Variants in CNNM2 observed in about 807,000 individuals in gnomAD.
The protein encoded by CNNM2 is cyclin and CBS domain divalent metal cation transport mediator 2.
CNNM2 carries 12 observed loss-of-function variants against 66.9 expected under a neutral mutation model. The ratio of observed to expected loss-of-function variants is 0.18; its 90% confidence interval spans 0.11 to 0.29. The LOEUF (loss-of-function observed/expected upper bound fraction) is 0.29. CNNM2 is among the 10% of genes least tolerant of loss of function. The probability of loss-of-function intolerance (pLI) is 1.00; values close to 1 mark genes in which losing one functional copy is unlikely to be tolerated. For missense variants in CNNM2, 705 were observed against 1,167.7 expected (o/e 0.60, Z 5.77); for synonymous variants, 557 against 501.8 (o/e 1.11, Z -1.47).
chr10:102,995,464 T>C (rs575013284), intron 1 of CNNM2, among the ~76,000 whole-genome samples: 57 of 151,690 alleles, frequency 3.8e-4, no homozygotes, highest in African/African-American at 1.3e-3. Flanking sequence ...CCACCTGCCT[T>C]GGCCTCCCAA....
chr10:102,954,126 C>CT (rs35543663), intron 1 of CNNM2, among the ~76,000 whole-genome samples: 5,102 of 132,994 alleles, frequency 0.038, 354 homozygotes, highest in African/African-American at 0.13. Context: ...CTTTTCTTTT[C>CT]TTTTTTTTTT....
intron 4 of CNNM2, among the ~76,000 whole-genome samples, chr10:103,061,199 C>A (rs1186307741): frequency 6.6e-6 from 1 of 152,094 alleles, no homozygotes; most frequent in African/African-American, 2.4e-5. Context: ...TTGAGACCAG[C>A]CTGGCCAACA....
chr10:103,041,544 T>C (rs999951801), intron 1 of CNNM2, among the ~76,000 whole-genome samples: 3 of 151,996 alleles, frequency 2.0e-5, no homozygotes, highest in African/African-American at 7.2e-5. Context: ...CGGGCCTCCG[T>C]GTTAGAAGCA....
chr10:103,056,333 C>T (rs575731696), intron 3 of CNNM2, among the ~76,000 whole-genome samples: 6 of 152,224 alleles, frequency 3.9e-5, no homozygotes, highest in African/African-American at 1.2e-4. Context: ...TCTTTGTTCC[C>T]CACATTCCTT....
At chr10:103,027,591 G>A (rs1409222318) in intron 1 of CNNM2, 1 of 152,164 alleles carries the variant, frequency 6.6e-6, no homozygotes, top group Non-Finnish European at 1.5e-5. Context: ...AGCCTACATA[G>A]GATTGAATGC....
At chr10:103,013,165 A>T (rs904139408) in intron 1 of CNNM2, among the ~76,000 whole-genome samples, 2 of 152,156 alleles carry the variant, frequency 1.3e-5, no homozygotes, top group Non-Finnish European at 2.9e-5. Flanking sequence ...TGAGGATAAT[A>T]ATTCATAGGG....
intron 1 of CNNM2, among the ~76,000 whole-genome samples, chr10:102,993,030 A>G (rs1269583402): frequency 6.6e-6 from 1 of 152,272 alleles, no homozygotes; most frequent in East Asian, 1.9e-4. Context: ...TGTCATACAT[A>G]TCTGTATTTT....
intron 4 of CNNM2, among the ~76,000 whole-genome samples, chr10:103,067,008 T>C (rs2065489903): frequency 6.6e-6 from 1 of 152,182 alleles, no homozygotes; most frequent in East Asian, 1.9e-4. Context: ...GAGGCAGTAG[T>C]TCTTCTCCTG....
chr10:102,923,445 G>C (rs1263952755), intron 1 of CNNM2, among the ~76,000 whole-genome samples: 1 of 152,184 alleles, frequency 6.6e-6, no homozygotes, highest in Non-Finnish European at 1.5e-5. Context: ...ACAGTAATTT[G>C]TGCCTTGGGG....
chr10:103,006,684 T>TG (rs2134263945), intron 1 of CNNM2, among the ~76,000 whole-genome samples: 1 of 152,326 alleles, frequency 6.6e-6, no homozygotes, highest in South Asian at 2.1e-4. Context: ...TGGAGTGCAA[T>TG]GGTGCGATCT....
chr10:102,943,629 C>G (rs761914479), intron 1 of CNNM2, among the ~76,000 whole-genome samples: 1 of 152,182 alleles, frequency 6.6e-6, no homozygotes, highest in Non-Finnish European at 1.5e-5. Context: ...CCAACTACTA[C>G]TGTATGGAAT....
At chr10:102,968,870 G>A (rs1300290167) in intron 1 of CNNM2, among the ~76,000 whole-genome samples, 3 of 151,022 alleles carry the variant, frequency 2.0e-5, no homozygotes, top group Admixed American at 2.0e-4. Context: ...CAAAGTGCTG[G>A]GGTTACAGGC....
At chr10:102,959,416 A>G (rs1313751886) in intron 1 of CNNM2, among the ~76,000 whole-genome samples, 3 of 152,236 alleles carry the variant, frequency 2.0e-5, no homozygotes, top group Admixed American at 2.0e-4. Flanking sequence ...TAACACTCTC[A>G]GTCTGGTTGT....
intron 1 of CNNM2, among the ~76,000 whole-genome samples, chr10:102,945,787 T>G (rs1036433062): frequency 2.6e-5 from 4 of 152,204 alleles, no homozygotes; most frequent in African/African-American, 7.2e-5. Context: ...TATGTATCCA[T>G]GTTTATCTTT....
intron 2 of CNNM2, among the ~76,000 whole-genome samples, chr10:103,052,145 G>A (rs2134333755): frequency 6.6e-6 from 1 of 151,920 alleles, no homozygotes; most frequent in East Asian, 2.0e-4. Flanking sequence ...GCTGGGTGTG[G>A]TGGCGTGCGC....
At chr10:102,954,475 A>C (rs1846962466) in intron 1 of CNNM2, among the ~76,000 whole-genome samples, 1 of 152,114 alleles carries the variant, frequency 6.6e-6, no homozygotes, top group South Asian at 2.1e-4. Flanking sequence ...TCAATTAATA[A>C]ATGTAAGATG....
intron 1 of CNNM2, among the ~76,000 whole-genome samples, chr10:103,038,555 T>A (rs901176144): frequency 6.6e-6 from 1 of 152,222 alleles, no homozygotes; most frequent in Non-Finnish European, 1.5e-5. Flanking sequence ...CAGGGTCCTG[T>A]CCAGGAGAGG....
At chr10:103,043,044 A>G (rs2065069108) in intron 1 of CNNM2, among the ~76,000 whole-genome samples, 1 of 152,224 alleles carries the variant, frequency 6.6e-6, no homozygotes, top group African/African-American at 2.4e-5. Context: ...CTCCTTGGTT[A>G]GTAAGGAGGC....
chr10:103,089,956 G>GCTA lies in CNNM2; in HGVS notation c.*12779_*12781dup. On this transcript the variant is annotated 3_prime_UTR_variant, in exon 8 of 8. Coordinates refer to ENST00000369878, the MANE Select transcript of CNNM2 (RefSeq NM_017649.5). The stretch of plus-strand genomic sequence containing the variant: ...CTCAGAAAGCAGGCAGAGCAAAGTA[G>GCTA]CTACTCCCCAAATCCTAACCCCTCT... The GCTA allele has an allele frequency of 6.7e-7, 1 of 1,491,352 alleles. No homozygotes were observed. The highest frequency in any genetic ancestry group is 9.1e-7 in the Non-Finnish European group (1 of 1,104,030). The allele number at this position is 1,491,352 out of a possible 1,614,324, so 92.4% of individuals were successfully genotyped here. A position where few individuals can be genotyped will look rare whatever the true frequency, so the allele number is the denominator to read the frequency against.
Sources: allele counts gnomAD v4.1 joint callset (sites outside exome capture counted in the v4.1 genomes callset), GRCh38; gene constraint gnomAD v4.1.1; transcripts MANE v1.5; gene names NCBI Gene and HGNC (gene_info 2026-07-23, HGNC 2026-07-21).